The following PLEKHH1 variants were observed in gnomAD, a reference collection of about 807,000 sequenced individuals.
PLEKHH1 encodes the protein pleckstrin homology, MyTH4 and FERM domain containing H1.
Under a neutral mutation model 160.0 loss-of-function variants are expected in PLEKHH1, and 104 were observed. The observed-to-expected ratio is 0.65, with a 90% CI of 0.55 to 0.76. The LOEUF is 0.76. PLEKHH1 is among the 30% of genes least tolerant of loss of function. PLEKHH1 has a pLI of 0.00. For missense variants in PLEKHH1, 1,427 were observed against 1,724.1 expected (o/e 0.83, Z 3.05); for synonymous variants, 619 against 678.4 (o/e 0.91, Z 1.36).
chr14:67,540,617 C>T (rs1215835234), intron 1 of PLEKHH1, among the ~76,000 whole-genome samples: 1 of 145,256 alleles, frequency 6.9e-6, no homozygotes, highest in South Asian at 2.2e-4. Context: ...CAAAGTGAGA[C>T]TCTCCCTCAA....
At position 67,579,115 on chromosome 14, in the gene PLEKHH1, C is replaced by T; in HGVS notation, c.2850-19C>T. 6.7e-7 allele frequency: 1 copy of T among 1,484,436 alleles called. No homozygotes were observed. Among genetic ancestry groups the T allele is most frequent in the Non-Finnish European group, 9.0e-7 (1 of 1,107,288 alleles). 92.0% of individuals were successfully genotyped at this position (1,484,436 alleles called of 1,614,324 possible). ...GAGATGAGCAGAGCCCATAATACTC[C>T]CCTCTTCCGTCTTTTTAGAAGTGAA... On this transcript the variant is annotated intron_variant, in intron 20 of 28. Transcript: ENST00000329153.
intron 27 of PLEKHH1, 107 bp from the exon 28 acceptor site, chr14:67,585,844 A>G (rs2036132536): frequency 8.1e-7 from 1 of 1,230,552 alleles, no homozygotes; most frequent in Non-Finnish European, 1.2e-6. Flanking sequence ...AATTATGACC[A>G]CTTGGGAGTT....
intron 2 of PLEKHH1, among the ~76,000 whole-genome samples, chr14:67,554,874 A>AC (rs2034532600): frequency 2.0e-5 from 3 of 152,148 alleles, no homozygotes; most frequent in Non-Finnish European, 2.9e-5. Context: ...CTCAGCCTTG[A>AC]GTGACATGCC....
Position 67,570,146 on chromosome 14 carries a change from C to T in PLEKHH1, c.1434+134C>T, listed in dbSNP as rs183489446. On this transcript the variant is annotated intron_variant, in intron 9 of 28. Coordinates refer to ENST00000329153, the MANE Select transcript of PLEKHH1 (RefSeq NM_020715.3). ...CCTGCCCAGGGAGCTGAGCCCAGCA[C>T]GTGTCATTTTGTTTTATTGTTTATT... The T allele has an allele frequency of 4.9e-5, 35 of 713,058 alleles. No individual in the cohort carries two copies. The East Asian group carries it at 5.7e-4, about 12-fold the overall frequency. 44.2% of individuals were successfully genotyped at this position (713,058 alleles called of 1,614,324 possible).
chr14:67,561,824 T>A, intron 5 of PLEKHH1, 130 bp from the exon 6 acceptor site: 2 of 684,534 alleles, frequency 2.9e-6, no homozygotes, highest in Non-Finnish European at 2.5e-6. Flanking sequence ...GAGCCAAAAT[T>A]GCTCCACTGC....
rs772015477 is a variant in PLEKHH1 at position 67,562,359 on chromosome 14, C to T, written c.728C>T (p.Thr243Met). ...ASPLEDSSSSTVHSGETVEAK... is the reference protein window; with the variant it reads ...ASPLEDSSSSMVHSGETVEAK... The stretch of plus-strand genomic sequence containing the variant: ...CCCTTGGAGGATTCTAGTTCCAGCA[C>T]GGTCCATTCTGGGGAAACAGTAGAG... The change falls in exon 7 of 29, where the codon ACG becomes ATG. Residue 243 changes from threonine (T) to methionine (M), a missense_variant. Around this residue, in one of 6 missense-constraint regions of PLEKHH1, gnomAD observed 831 missense variants for 929.2 expected, o/e 0.89. Coordinates refer to ENST00000329153, the MANE Select transcript of PLEKHH1 (RefSeq NM_020715.3). 47 of 1,613,564 alleles carry T rather than the reference C, an allele frequency of 2.9e-5. No individual in the cohort carries two copies. Among genetic ancestry groups the T allele is most frequent in the Admixed American group, 6.7e-5 (4 of 60,002 alleles).
At chr14:67,549,303 C>T (rs989679277) in intron 2 of PLEKHH1, among the ~76,000 whole-genome samples, 23 of 150,962 alleles carry the variant, frequency 1.5e-4, no homozygotes, top group African/African-American at 5.4e-4. Context: ...CAGAGTCTCA[C>T]TTTGTCACCT....
intron 1 of PLEKHH1, among the ~76,000 whole-genome samples, chr14:67,536,222 G>A (rs1474844349): frequency 6.6e-6 from 1 of 151,794 alleles, no homozygotes. Flanking sequence ...GCACCCAGCA[G>A]TGGCCAAATG....
chr14:67,537,245 GA>G (rs2033763482), intron 1 of PLEKHH1, among the ~76,000 whole-genome samples: 1 of 145,640 alleles, frequency 6.9e-6, no homozygotes, highest in Admixed American at 7.0e-5. Flanking sequence ...TCAGGAGGCT[GA>G]GGCAGGAGAA....
chr14:67,553,640 C>G (rs1441583542), intron 2 of PLEKHH1, among the ~76,000 whole-genome samples: 2 of 152,238 alleles, frequency 1.3e-5, no homozygotes, highest in East Asian at 3.8e-4. Flanking sequence ...GGGGCCACCA[C>G]TATGTATCAA....
chr14:67,566,271 A>C (rs2035083398), intron 7 of PLEKHH1, among the ~76,000 whole-genome samples: 1 of 110,802 alleles, frequency 9.0e-6, no homozygotes. Flanking sequence ...CATCAGGAAG[A>C]CTAGGGGATG....
intron 23 of PLEKHH1, chr14:67,581,733 C>A (rs2035911051): frequency 4.2e-6 from 1 of 236,202 alleles, no homozygotes; most frequent in African/African-American, 2.3e-5. Flanking sequence ...CAGTATGTCT[C>A]CAGGCAAATA....
intron 28 of PLEKHH1, chr14:67,586,774 A>G (rs1327028296): frequency 7.4e-7 from 1 of 1,350,534 alleles, no homozygotes; most frequent in South Asian, 1.3e-5. Flanking sequence ...GGATCTCCAG[A>G]TCCCTTTCTT....
At chr14:67,580,047 G>A (rs2035818679) in intron 22 of PLEKHH1, 171 bp downstream of exon 22, 4 of 621,546 alleles carry the variant, frequency 6.4e-6, no homozygotes, top group African/African-American at 5.5e-5. Flanking sequence ...CCTGGGCAGG[G>A]AGAAAAAAGC....
intron 21 of PLEKHH1, 108 bp from the exon 22 acceptor site, chr14:67,579,613 G>C: frequency 9.0e-7 from 1 of 1,109,816 alleles, no homozygotes; most frequent in South Asian, 1.6e-5. Flanking sequence ...TTGGCCTTTT[G>C]TATTTGCCCT....
rs2034577758 is a variant in PLEKHH1 at position 67,555,991 on chromosome 14, T to C, written c.189+104T>C. On this transcript the variant is annotated intron_variant, in intron 3 of 28. Transcript: ENST00000329153. ...TGGACACATACATCACCAGCAGTACTGTGTTATACCTGAACAAATGAGTGT... is the reference window on the plus strand; with the variant it reads ...TGGACACATACATCACCAGCAGTACCGTGTTATACCTGAACAAATGAGTGT... The C allele has an allele frequency of 5.6e-6, 8 of 1,427,718 alleles. No individual in the cohort carries two copies. In the Admixed American group the frequency reaches 1.4e-4, roughly 25 times the overall value. The allele number at this position is 1,427,718 out of a possible 1,614,324, so 88.4% of individuals were successfully genotyped here.
rs1312785433 is a variant in PLEKHH1, at chr14:67,576,800, G to T, written c.2461+297G>T. Among the ~76,000 whole-genome samples, 1 of 152,192 alleles carries T rather than the reference G, an allele frequency of 6.6e-6. No individual in the cohort carries two copies. The highest frequency in any genetic ancestry group is 1.5e-5 in the Non-Finnish European group (1 of 68,038). On this transcript the variant is annotated intron_variant, in intron 17 of 28. Transcript: ENST00000329153. The surrounding 1 kb of genome is among the most constrained non-coding windows in gnomAD (Gnocchi z 4.0). ...GCTGGGCAGAGGGCTGAGGAAAGAA[G>T]GTAGCTGGTTAATCTATAGTTAGAG...
intron 17 of PLEKHH1, 135 bp from the exon 18 acceptor site, chr14:67,577,167 T>G (rs1212606463): frequency 1.5e-6 from 1 of 661,016 alleles, no homozygotes; most frequent in Non-Finnish European, 2.7e-6. Flanking sequence ...CTATGGATGA[T>G]AAACCCAGCA....
chr14:67,555,923 G>A (rs773121804), intron 3 of PLEKHH1, 36 bp downstream of exon 3: 1 of 1,607,476 alleles, frequency 6.2e-7, no homozygotes, highest in East Asian at 2.2e-5. Flanking sequence ...AATATGCAGG[G>A]GAATGACCGT....
Sources: allele counts gnomAD v4.1 joint callset (sites outside exome capture counted in the v4.1 genomes callset), GRCh38; gene constraint gnomAD v4.1.1; regional missense constraint gnomAD v4.1.1; non-coding constraint Gnocchi (gnomAD v3.1); transcripts MANE v1.5; gene names NCBI Gene and HGNC (gene_info 2026-07-23, HGNC 2026-07-21).